The following ZKSCAN7 variants were observed in gnomAD, a reference collection of about 807,000 sequenced individuals.
The protein encoded by ZKSCAN7 is zinc finger protein with KRAB and SCAN domains 7.
ZKSCAN7 carries 38 observed loss-of-function variants against 65.3 expected under a neutral mutation model. That is an observed-to-expected ratio of 0.58 (90% CI 0.45 to 0.76). The LOEUF is 0.76. ZKSCAN7 is among the 30% of genes least tolerant of loss of function. ZKSCAN7 has a pLI of 0.00. For missense variants in ZKSCAN7, 815 were observed against 913.3 expected (o/e 0.89, Z 1.39); for synonymous variants, 321 against 321.0 (o/e 1.00, Z 0.00).
chr3:44,568,566 C>T, intron 5 of ZKSCAN7, 133 bp downstream of exon 5: 1 of 1,291,168 alleles, frequency 7.7e-7, no homozygotes, highest in South Asian at 1.5e-5. Flanking sequence ...ATATAGGGAC[C>T]CTTTCTGCAT....
At chr3:44,562,965 A>T (rs965674377) in intron 2 of ZKSCAN7, among the ~76,000 whole-genome samples, 6 of 151,046 alleles carry the variant, frequency 4.0e-5, no homozygotes, top group African/African-American at 1.5e-4. Flanking sequence ...ATGAGACTCC[A>T]TCTCAAAAAA....
At chr3:44,580,443 G>A in intron 5 of ZKSCAN7, 1 of 1,601,744 alleles carries the variant, frequency 6.2e-7, no homozygotes, top group Non-Finnish European at 8.5e-7. Context: ...GGACTTGGTG[G>A]TGGGGACTTT....
chr3:44,565,916 A>G (rs1699618669), intron 3 of ZKSCAN7, among the ~76,000 whole-genome samples: 1 of 152,230 alleles, frequency 6.6e-6, no homozygotes, highest in Non-Finnish European at 1.5e-5. Context: ...CACTGATTTC[A>G]AAGAGCTTGT....
intron 5 of ZKSCAN7, among the ~76,000 whole-genome samples, chr3:44,569,515 C>A (rs1699730841): frequency 6.6e-6 from 1 of 152,158 alleles, no homozygotes; most frequent in Non-Finnish European, 1.5e-5. Context: ...TCCTCTCTCC[C>A]AACATGTTTT....
intron 2 of ZKSCAN7, among the ~76,000 whole-genome samples, chr3:44,564,319 G>A (rs1233839692): frequency 6.6e-6 from 1 of 152,164 alleles, no homozygotes; most frequent in Admixed American, 6.5e-5. Flanking sequence ...TTGGGGAGAA[G>A]TAGTACATAT....
In ZKSCAN7 at chr3:44,557,222, C is replaced by A. The variant is rs1699321702; in HGVS notation, c.175C>A (p.Gln59Lys). 6.2e-7 allele frequency: 1 copy of A among 1,614,158 alleles called. No individual in the cohort carries two copies. The highest frequency in any genetic ancestry group is 1.3e-5 in the African/African-American group (1 of 74,950). The change falls in exon 2 of 6, where the codon CAA becomes AAA. Residue 59 changes from glutamine (Q) to lysine (K), a missense_variant. Transcript: ENST00000426540. ...VCEIFRLHFR[Q>K]LCYHEMSGPQ... ...CGAAATCTTCCGGCTACACTTCAGGCAATTGTGTTACCACGAGATGTCTGG... is the reference window on the plus strand; with the variant it reads ...CGAAATCTTCCGGCTACACTTCAGGAAATTGTGTTACCACGAGATGTCTGG...
chr3:44,579,446 C>T (rs891192273), intron 5 of ZKSCAN7, among the ~76,000 whole-genome samples: 5 of 152,198 alleles, frequency 3.3e-5, no homozygotes, highest in Admixed American at 6.5e-5. Flanking sequence ...CTCCCACGTG[C>T]GGCTCCTCTT....
At chr3:44,582,330 A>G (rs1039818258) in intron 5 of ZKSCAN7, among the ~76,000 whole-genome samples, 3 of 152,132 alleles carry the variant, frequency 2.0e-5, no homozygotes, top group Non-Finnish European at 4.4e-5. Flanking sequence ...ACAATAGGAG[A>G]GCAATGTATG....
chr3:44,570,999 C>T lies in ZKSCAN7; in HGVS notation c.1889C>T (p.Thr630Met), dbSNP rs373307729. ...CTTATTCGGCACCAGAGACTTCACA[C>T]GGGTGAAAAGCCCTATAAATGCAAT... ...KCLIRHQRLH[T>M]GEKPYKCNEC... is the part of the protein sequence containing the mutation. The change falls in exon 6 of 6, where the codon ACG (threonine) becomes ATG (methionine). Residue 630 changes from threonine (T) to methionine (M), a missense_variant. Around this residue, in one of 3 missense-constraint regions of ZKSCAN7, gnomAD observed 578 missense variants for 629.5 expected, o/e 0.92. Coordinates refer to ENST00000426540, the MANE Select transcript of ZKSCAN7 (RefSeq NM_001288590.2). The T allele has an allele frequency of 1.1e-4, 184 of 1,614,074 alleles. 1 individual carries two copies. Among genetic ancestry groups the T allele is most frequent in the Admixed American group, 1.0e-3 (60 of 60,006 alleles).
intron 2 of ZKSCAN7, chr3:44,557,735 C>G: frequency 1.9e-6 from 1 of 526,256 alleles, no homozygotes; most frequent in Non-Finnish European, 3.3e-6. Flanking sequence ...TCCTGGCAGG[C>G]GGGGGATCTG....
In ZKSCAN7 at chr3:44,559,693, CTGGAA is replaced by C. The variant is rs1402613285; in HGVS notation, c.423+2225_423+2229del. On this transcript the variant is annotated intron_variant, in intron 2 of 5. Transcript: ENST00000426540. ...CCACCTGCCTCATCCTCCCAAAGTGCTGGAATTACAGGTGTGAGCCATCACGCTCA... is the reference window on the plus strand; with the variant it reads ...CCACCTGCCTCATCCTCCCAAAGTGCTTACAGGTGTGAGCCATCACGCTCA... Among the ~76,000 whole-genome samples, 10 of 152,314 alleles carry C rather than the reference CTGGAA, an allele frequency of 6.6e-5. No homozygotes were observed. The East Asian group carries it at 1.9e-3, about 29-fold the overall frequency.
In ZKSCAN7 at chr3:44,570,758, C is replaced by G. The variant is rs375856259; in HGVS notation, c.1648C>G (p.Pro550Ala). ...TCAGAGAATCCACACTGGGGAGAAG[C>G]CTTATGAGTGTAGTGAATGTGGCAA... ...DHQRIHTGEKPYECSECGKAF... is the reference protein window; with the variant it reads ...DHQRIHTGEKAYECSECGKAF... The change falls in exon 6 of 6, where the codon CCT (proline) becomes GCT (alanine). Residue 550 changes from proline to alanine, a missense_variant. Transcript: ENST00000426540. 37 of 1,613,968 alleles carry G rather than the reference C, an allele frequency of 2.3e-5. No individual in the cohort carries two copies. The highest frequency in any genetic ancestry group is 1.0e-4 in the Admixed American group (6 of 59,998).
At chr3:44,562,778 C>T (rs530691328) in intron 2 of ZKSCAN7, among the ~76,000 whole-genome samples, 18 of 152,024 alleles carry the variant, frequency 1.2e-4, no homozygotes, top group African/African-American at 2.2e-4. Flanking sequence ...GTCAGGAGAT[C>T]GAGACCACGG....
chr3:44,582,578 A>C (rs919202703), intron 5 of ZKSCAN7, among the ~76,000 whole-genome samples: 1 of 152,184 alleles, frequency 6.6e-6, no homozygotes, highest in African/African-American at 2.4e-5. Context: ...ACACAAAAAA[A>C]CACCCTGATT....
chr3:44,571,594 CTT>C lies in ZKSCAN7; in HGVS notation c.*227_*228del, dbSNP rs35509141. Reference sequence around the variant, plus strand: ...CACATGTCATTGAATTGTAGGTTTCCTTTTTTTTTCTTTACTTTTAAATTTTA... The same window carrying C: ...CACATGTCATTGAATTGTAGGTTTCCTTTTTTTCTTTACTTTTAAATTTTA... On this transcript the variant is annotated 3_prime_UTR_variant, in exon 6 of 6. Transcript: ENST00000426540. 2.3e-6 allele frequency: 3 copies of C among 1,329,272 alleles called. No individual in the cohort carries two copies. The highest frequency in any genetic ancestry group is 3.0e-5 in the African/African-American group (2 of 66,758). 82.3% of individuals were successfully genotyped at this position (1,329,272 alleles called of 1,614,324 possible). A position where few individuals can be genotyped will look rare whatever the true frequency, so the allele number is the denominator to read the frequency against.
At chr3:44,556,235 A>T (rs1279298399) in intron 1 of ZKSCAN7, among the ~76,000 whole-genome samples, 1 of 152,214 alleles carries the variant, frequency 6.6e-6, no homozygotes, top group African/African-American at 2.4e-5. Flanking sequence ...GTTGTGCATA[A>T]ACCAGTTAAA....
At chr3:44,556,199 A>G (rs1699288886) in intron 1 of ZKSCAN7, among the ~76,000 whole-genome samples, 1 of 152,220 alleles carries the variant, frequency 6.6e-6, no homozygotes, top group African/African-American at 2.4e-5. Context: ...GTGGCCGTGC[A>G]GCAGTTTGGA....
At position 44,556,965 on chromosome 3, in the gene ZKSCAN7, A is replaced by C; in HGVS notation, c.-83A>C. ...CATCACCCCTTTCTCCAACCCTGAAAAACAGTTCCTGAGACCTGAACTATT... is the reference window on the plus strand; with the variant it reads ...CATCACCCCTTTCTCCAACCCTGAACAACAGTTCCTGAGACCTGAACTATT... On this transcript the variant is annotated 5_prime_UTR_variant, in exon 2 of 6. Coordinates refer to ENST00000426540, the MANE Select transcript of ZKSCAN7 (RefSeq NM_001288590.2). 1 of 1,579,032 alleles carries C rather than the reference A, an allele frequency of 6.3e-7. No homozygotes were observed. Among genetic ancestry groups the C allele is most frequent in the Non-Finnish European group, 8.6e-7 (1 of 1,158,394 alleles).
At chr3:44,578,741 G>C (rs1001824792) in intron 5 of ZKSCAN7, among the ~76,000 whole-genome samples, 1 of 152,212 alleles carries the variant, frequency 6.6e-6, no homozygotes, top group South Asian at 2.1e-4. Flanking sequence ...GGTGGCCGCT[G>C]TCTCCTCGGC....
Sources: gnomAD v4.1 joint callset for allele counts (sites outside exome capture counted in the v4.1 genomes callset) on GRCh38, gnomAD v4.1.1 for gene constraint, gnomAD v4.1.1 regional missense constraint, MANE v1.5 for transcripts, NCBI Gene and HGNC (gene_info 2026-07-23, HGNC 2026-07-21) for gene names.